INPPL1: variants seen among roughly 807,000 people sequenced by gnomAD.
INPPL1 encodes the protein phosphatidylinositol 3,4,5-trisphosphate 5-phosphatase 2.
In INPPL1, 91 loss-of-function variants were observed where a neutral mutation model predicts 139.3. The observed-to-expected ratio is 0.65, with a 90% CI of 0.55 to 0.78. The LOEUF is 0.78. Ranked by LOEUF, INPPL1 falls within the 30% of genes least tolerant of loss-of-function variation. INPPL1 has a pLI of 0.00. For missense variants in INPPL1, 1,411 were observed against 1,665.6 expected (o/e 0.85, Z 2.66); for synonymous variants, 719 against 686.6 (o/e 1.05, Z -0.74).
In INPPL1 at chr11:72,228,758, G is replaced by C; in HGVS notation, c.429G>C (p.Pro143=). 1.2e-6 allele frequency: 2 copies of C among 1,610,242 alleles called. No homozygotes were observed. The highest frequency in any genetic ancestry group is 1.7e-6 in the Non-Finnish European group (2 of 1,178,036). The change falls in exon 4 of 28, where the codon CCG becomes CCC. Residue 143 remains proline, a synonymous_variant. Transcript: ENST00000298229. This position sits in a 1 kb window ranked among gnomAD's most constrained non-coding sequence, Gnocchi z 5.0. ...DGEDEKPPLP[P]RSGSTSISAP... ...AGGATGAGAAGCCCCCGCTGCCCCC[G>C]CGCTCTGGCTCCACCAGCATTTCTG...
chr11:72,229,532 A>G lies in INPPL1; in HGVS notation c.727A>G (p.Met243Val), dbSNP rs753707673. The change falls in exon 6 of 28, where the codon ATG becomes GTG. Residue 243 changes from methionine (M) to valine (V), a missense_variant. Physicochemically the swap from Met to Val is conservative, Grantham distance 21. Transcript: ENST00000298229. Reference sequence around the variant, plus strand: ...GGTGTTTGACCAGCAGAGCTCGCCCATGGTGACCCGCCTTTTGCAGCAGCA... The same window carrying G: ...GGTGTTTGACCAGCAGAGCTCGCCCGTGGTGACCCGCCTTTTGCAGCAGCA... ...SKVFDQQSSP[M>V]VTRLLQQQNL... is the part of the protein sequence containing the mutation. 6.2e-7 allele frequency: 1 copy of G among 1,614,088 alleles called. No homozygotes were observed. The highest frequency in any genetic ancestry group is 8.5e-7 in the Non-Finnish European group (1 of 1,180,008).
In INPPL1 at chr11:72,225,333, AGGGGCACTTCCTGCTGTGTGTCTG is replaced by A. The variant is rs1254260482; in HGVS notation, c.182+177_182+200del. On this transcript the variant is annotated intron_variant, in intron 1 of 27. Coordinates refer to ENST00000298229, the MANE Select transcript of INPPL1 (RefSeq NM_001567.4). ...TTCTCCTGGGTCTGAGGAGGGACGC[AGGGGCACTTCCTGCTGTGTGTCTG>A]GGGGCACTTTCAGGAGCCTTGAGGG... 6 of 985,286 alleles carry A rather than the reference AGGGGCACTTCCTGCTGTGTGTCTG, an allele frequency of 6.1e-6. No individual in the cohort carries two copies. The African/African-American group carries it at 1.0e-4, about 17-fold the overall frequency. 61.0% of individuals were successfully genotyped at this position (985,286 alleles called of 1,614,324 possible).
At chr11:72,227,027 C>T (rs552039775) in intron 1 of INPPL1, among the ~76,000 whole-genome samples, 31 of 152,168 alleles carry the variant, frequency 2.0e-4, no homozygotes, top group African/African-American at 6.3e-4. Flanking sequence ...AAGGATCAGA[C>T]GTGGGCGATC....
At chr11:72,232,562 A>C in intron 14 of INPPL1, 64 bp from the exon 15 acceptor site, 1 of 1,580,076 alleles carries the variant, frequency 6.3e-7, no homozygotes. Flanking sequence ...CTTTATGCCT[A>C]TCCCTGACTT....
At position 72,225,077 on chromosome 11, in the gene INPPL1, G is replaced by A; in HGVS notation, c.93G>A (p.Ala31=). 1 of 1,230,800 alleles carries A rather than the reference G, an allele frequency of 8.1e-7. No individual in the cohort carries two copies. The highest frequency in any genetic ancestry group is 1.0e-6 in the Non-Finnish European group (1 of 987,344). The allele number at this position is 1,230,800 out of a possible 1,614,324, so 76.2% of individuals were successfully genotyped here. A position where few individuals can be genotyped will look rare whatever the true frequency, so the allele number is the denominator to read the frequency against. Residue 31 remains alanine, a synonymous_variant, in exon 1 of 28, where the codon GCG becomes GCA. Coordinates refer to ENST00000298229, the MANE Select transcript of INPPL1 (RefSeq NM_001567.4). Reference sequence around the variant, plus strand: ...ACCGCGACCTGAGCCGGGCGGCCGCGGAGGAGCTGCTGGCCCGGGCGGGCC... The same window carrying A: ...ACCGCGACCTGAGCCGGGCGGCCGCAGAGGAGCTGCTGGCCCGGGCGGGCC... ...WYHRDLSRAA[A]EELLARAGRD... is the part of the protein sequence containing the mutation.
chr11:72,228,544 T>A lies in INPPL1; in HGVS notation c.397+46T>A. The A allele has an allele frequency of 1.3e-6, 2 of 1,590,918 alleles. No individual in the cohort carries two copies. The highest frequency in any genetic ancestry group is 1.7e-6 in the Non-Finnish European group (2 of 1,172,818). The stretch of plus-strand genomic sequence containing the variant: ...CCCCTCCCTGCCCCTGTCCCTTGGC[T>A]CTACCTGCCTCTTCCCATCCCCCCT... On this transcript the variant is annotated intron_variant, in intron 3 of 27. Transcript: ENST00000298229. This position sits in a 1 kb window ranked among gnomAD's most constrained non-coding sequence, Gnocchi z 5.0.
At position 72,228,435 on chromosome 11, in the gene INPPL1, G is replaced by T. The variant is rs775305188; in HGVS notation, c.334G>T (p.Ala112Ser). ...CCAGCCCAACCAGGGCCTTGTGTGC[G>T]CCCTGCTTCTTCCTGTAGAGGGTGA... ...YAQPNQGLVC[A>S]LLLPVEGERE... The change falls in exon 3 of 28, where the codon GCC becomes TCC. Residue 112 changes from alanine to serine, a missense_variant. Coordinates refer to ENST00000298229, the MANE Select transcript of INPPL1 (RefSeq NM_001567.4). The surrounding 1 kb of genome is among the most constrained non-coding windows in gnomAD (Gnocchi z 5.0). The T allele has an allele frequency of 1.9e-6, 3 of 1,612,358 alleles. No homozygotes were observed. The highest frequency in any genetic ancestry group is 1.7e-6 in the Non-Finnish European group (2 of 1,180,008).
In INPPL1 at chr11:72,234,685, G is replaced by A. The variant is rs1345812406; in HGVS notation, c.2415+70G>A. 1 of 1,111,188 alleles carries A rather than the reference G, an allele frequency of 9.0e-7. No individual in the cohort carries two copies. 68.8% of individuals were successfully genotyped at this position (1,111,188 alleles called of 1,614,324 possible). On this transcript the variant is annotated intron_variant, in intron 21 of 27. Coordinates refer to ENST00000298229, the MANE Select transcript of INPPL1 (RefSeq NM_001567.4). This position sits in a 1 kb window ranked among gnomAD's most constrained non-coding sequence, Gnocchi z 4.2. Reference sequence around the variant, plus strand: ...GAGGGGTACATAAGAGTTTATTGGAGAGCCTGCCTGGGAGGGAGTGTGGGG... The same window carrying A: ...GAGGGGTACATAAGAGTTTATTGGAAAGCCTGCCTGGGAGGGAGTGTGGGG...
At chr11:72,229,348 C>T (rs1391468550) in intron 5 of INPPL1, 117 bp from the exon 6 acceptor site, 2 of 1,409,360 alleles carry the variant, frequency 1.4e-6, no homozygotes, top group Admixed American at 1.8e-5. Flanking sequence ...GCCATTGCCT[C>T]TTGACTTTCC....
chr11:72,237,246 C>T lies in INPPL1; in HGVS notation c.3002C>T (p.Pro1001Leu). ...CCGCACCAGCTGCTGCCCCCGGAGC[C>T]ACCCTCGCCTGCCAGGGCCCCTGTC... ...GVPHQLLPPE[P>L]PSPARAPVPS... Residue 1001 changes from proline to leucine, a missense_variant, in exon 26 of 28, where the codon CCA becomes CTA. Physicochemically the swap from Pro to Leu is moderately conservative, Grantham distance 98 (BLOSUM62 -3). This residue lies in a region of INPPL1 where 438 missense variants were observed against 425.7 expected (regional missense o/e 1.03). Coordinates refer to ENST00000298229, the MANE Select transcript of INPPL1 (RefSeq NM_001567.4). The T allele has an allele frequency of 6.2e-7, 1 of 1,614,020 alleles. No homozygotes were observed. Among genetic ancestry groups the T allele is most frequent in the Non-Finnish European group, 8.5e-7 (1 of 1,180,028 alleles).
At position 72,234,068 on chromosome 11, in the gene INPPL1, A is replaced by G. The variant is rs1411488550; in HGVS notation, c.2213-213A>G. Among the ~76,000 whole-genome samples, 3 of 151,976 alleles carry G rather than the reference A, an allele frequency of 2.0e-5. No individual in the cohort carries two copies. Among genetic ancestry groups the G allele is most frequent in the Non-Finnish European group, 4.4e-5 (3 of 67,984 alleles). ...ATTCTGGTCCCCAGCACCCTCTTCA[A>G]TGGGTTTTTTATCCTTGGGTTGTCT... On this transcript the variant is annotated intron_variant, in intron 19 of 27. Coordinates refer to ENST00000298229, the MANE Select transcript of INPPL1 (RefSeq NM_001567.4). The surrounding 1 kb of genome is among the most constrained non-coding windows in gnomAD (Gnocchi z 4.2).
chr11:72,229,042 GGGACAGGTCAGCA>G (rs1948755238), intron 4 of INPPL1, 35 bp from the exon 5 acceptor site: 4 of 1,566,390 alleles, frequency 2.6e-6, no homozygotes, highest in Non-Finnish European at 3.5e-6. Context: ...CAGAGGTGCT[GGGACAGGTCAGCA>G]GGACCTCCAC....
Position 72,235,047 on chromosome 11 carries a change from G to A in INPPL1, c.2416-69G>A. 7.7e-7 allele frequency: 1 copy of A among 1,291,950 alleles called. No homozygotes were observed. Among genetic ancestry groups the A allele is most frequent in the East Asian group, 2.3e-5 (1 of 42,884 alleles). The allele number at this position is 1,291,950 out of a possible 1,614,324, so 80.0% of individuals were successfully genotyped here. A position where few individuals can be genotyped will look rare whatever the true frequency, so the allele number is the denominator to read the frequency against. ...GGGTGGGGATTGAGTGGTGTCAGGG[G>A]GCAGCGCGTAGGAGGGGCAGGAGGA... On this transcript the variant is annotated intron_variant, in intron 21 of 27. Transcript: ENST00000298229. This position sits in a 1 kb window ranked among gnomAD's most constrained non-coding sequence, Gnocchi z 4.9.
chr11:72,235,578 C>A lies in INPPL1; in HGVS notation c.2660-97C>A. 6.4e-7 allele frequency: 1 copy of A among 1,573,108 alleles called. No homozygotes were observed. On this transcript the variant is annotated intron_variant, in intron 23 of 27. Coordinates refer to ENST00000298229, the MANE Select transcript of INPPL1 (RefSeq NM_001567.4). The surrounding 1 kb of genome is among the most constrained non-coding windows in gnomAD (Gnocchi z 4.9). Reference sequence around the variant, plus strand: ...CAGCCACAGCTGGGAATAGTCCTGCCCCAAGGCATAGCTGGGAAAGGGCTG... The same window carrying A: ...CAGCCACAGCTGGGAATAGTCCTGCACCAAGGCATAGCTGGGAAAGGGCTG...
At chr11:72,232,438 C>A in intron 14 of INPPL1, 102 bp downstream of exon 14, 1 of 1,235,370 alleles carries the variant, frequency 8.1e-7, no homozygotes, top group Non-Finnish European at 1.1e-6. Context: ...GCAGGCCTGT[C>A]TCCAGAGACC....
rs1200716611 is a variant in INPPL1 at position 72,230,017 on chromosome 11, G to C, written c.937G>C (p.Glu313Gln). 1.5e-5 allele frequency: 25 copies of C among 1,614,218 alleles called. No homozygotes were observed. The highest frequency in any genetic ancestry group is 2.0e-5 in the Non-Finnish European group (24 of 1,180,028). ...KAKTIPVQAF[E>Q]VKLDVTLGDL... is the part of the protein sequence containing the mutation. ...CAAGACCATCCCCGTGCAGGCCTTTGAGGTACATGGCAGTGGGGCCTCACA... is the reference window on the plus strand; with the variant it reads ...CAAGACCATCCCCGTGCAGGCCTTTCAGGTACATGGCAGTGGGGCCTCACA... Residue 313 changes from glutamate to glutamine, a missense_variant and splice_region_variant, in exon 8 of 28, where the codon GAG becomes CAG. Physicochemically the swap from Glu to Gln is conservative, Grantham distance 29. Transcript: ENST00000298229.
rs1299453133 is a variant in INPPL1 at position 72,228,955 on chromosome 11, C to T, written c.518+108C>T. ...TAAGACCCCACCAGGGACCCCCACCCCACCTCAGCCCAGAGGCAGATAACC... is the reference window on the plus strand; with the variant it reads ...TAAGACCCCACCAGGGACCCCCACCTCACCTCAGCCCAGAGGCAGATAACC... On this transcript the variant is annotated intron_variant, in intron 4 of 27. Transcript: ENST00000298229. The surrounding 1 kb of genome is among the most constrained non-coding windows in gnomAD (Gnocchi z 5.0). The T allele has an allele frequency of 2.0e-6, 3 of 1,518,504 alleles. No individual in the cohort carries two copies. Among genetic ancestry groups the T allele is most frequent in the East Asian group, 2.3e-5 (1 of 43,944 alleles). The allele number at this position is 1,518,504 out of a possible 1,614,324, so 94.1% of individuals were successfully genotyped here. A position where few individuals can be genotyped will look rare whatever the true frequency, so the allele number is the denominator to read the frequency against.
chr11:72,229,434 G>A, intron 5 of INPPL1, 31 bp from the exon 6 acceptor site: 1 of 1,598,938 alleles, frequency 6.3e-7, no homozygotes, highest in Non-Finnish European at 8.6e-7. Flanking sequence ...AGGTCGGGGT[G>A]GGAGTTCTTT....
At chr11:72,233,021 C>T (rs1484931463) in intron 16 of INPPL1, 47 bp downstream of exon 16, 5 of 1,605,474 alleles carry the variant, frequency 3.1e-6, no homozygotes, top group African/African-American at 1.3e-5. Context: ...AGGAGACTTG[C>T]AGTATCCCTG....
Sources: allele counts gnomAD v4.1 joint callset (sites outside exome capture counted in the v4.1 genomes callset), GRCh38; gene constraint gnomAD v4.1.1; regional missense constraint gnomAD v4.1.1; non-coding constraint Gnocchi (gnomAD v3.1); transcripts MANE v1.5; gene names NCBI Gene and HGNC (gene_info 2026-07-23, HGNC 2026-07-21).